The following RIMBP2 variants were observed in gnomAD, a reference collection of about 807,000 sequenced individuals.
The protein encoded by RIMBP2 is RIMS binding protein 2, also known as RIMS-binding protein 2.
In RIMBP2, 48 loss-of-function variants were observed where a neutral mutation model predicts 118.6. The ratio of observed to expected loss-of-function variants is 0.40; its 90% CI spans 0.32 to 0.51. The LOEUF is 0.51. Among genes scored for constraint, RIMBP2 ranks in the 20% least tolerant of loss-of-function variants. The pLI is 0.41. For missense variants in RIMBP2, 1,551 were observed against 1,768.3 expected, an observed-to-expected ratio of 0.88 and a Z score of 2.20; for synonymous variants, 762 against 742.9, an observed-to-expected ratio of 1.03 and a Z score of -0.42.
In RIMBP2 at chr12:130,710,964, C is replaced by G. The variant is rs779333709; in HGVS notation, c.-352+5258G>C. ...GAGCATTAAGAAGAGGCTATCTGACCAGGCACAGTGGCTCATGCCTGTAAT... is the reference window on the plus strand; with the variant it reads ...GAGCATTAAGAAGAGGCTATCTGACGAGGCACAGTGGCTCATGCCTGTAAT... On this transcript the variant is annotated intron_variant, in intron 1 of 22. Coordinates refer to ENST00000690449, the MANE Select transcript of RIMBP2 (RefSeq NM_001393629.1). The surrounding 1 kb of genome is among the most constrained non-coding windows in gnomAD (Gnocchi z 4.3). Among the ~76,000 whole-genome samples, 1 of 152,222 alleles carries G rather than the reference C, an allele frequency of 6.6e-6. No homozygotes were observed. Among genetic ancestry groups the G allele is most frequent in the African/African-American group, 2.4e-5 (1 of 41,458 alleles).
chr12:130,611,268 C>T (rs574629197), intron 2 of RIMBP2, among the ~76,000 whole-genome samples: 1 of 152,364 alleles, frequency 6.6e-6, no homozygotes, highest in East Asian at 1.9e-4. Flanking sequence ...CCACGTCCCC[C>T]AGACCCCACA....
At chr12:130,693,813 CACTT>C in intron 1 of RIMBP2, among the ~76,000 whole-genome samples, 1 of 152,320 alleles carries the variant, frequency 6.6e-6, no homozygotes, top group Non-Finnish European at 1.5e-5. Context: ...ATTCAGCTGT[CACTT>C]ACTTTCTCTT....
At position 130,571,416 on chromosome 12, in the gene RIMBP2, A is replaced by ACATTTTTTTT; in HGVS notation, c.-216-53500_-216-53499insAAAAAAAATG. 1.9e-5 allele frequency among the ~76,000 whole-genome samples: 2 copies of ACATTTTTTTT among 104,298 alleles called. 1 individual carries two copies. The allele number at this position is 104,298 out of a possible 152,430, so 68.4% of individuals were successfully genotyped here. A position where few individuals can be genotyped will look rare whatever the true frequency, so the allele number is the denominator to read the frequency against. On this transcript the variant is annotated intron_variant, in intron 2 of 22. Coordinates refer to ENST00000690449, the MANE Select transcript of RIMBP2 (RefSeq NM_001393629.1). ...GTGTGCTACTGCTACCCATAGTAAC[A>ACATTTTTTTT]TTTTTTTTTTTTTTTTTTTTGGAGA...
At chr12:130,564,338 T>TTC (rs1555292835) in intron 2 of RIMBP2, among the ~76,000 whole-genome samples, 3 of 152,088 alleles carry the variant, frequency 2.0e-5, no homozygotes, top group African/African-American at 7.2e-5. Flanking sequence ...TGTGTTTTTT[T>TTC]CCCAAAGCAT....
chr12:130,691,653 A>G (rs1038416099), intron 1 of RIMBP2, among the ~76,000 whole-genome samples: 1 of 152,206 alleles, frequency 6.6e-6, no homozygotes, highest in Non-Finnish European at 1.5e-5. Flanking sequence ...CCTGGACAAA[A>G]GAGCAAGATC....
intron 1 of RIMBP2, among the ~76,000 whole-genome samples, chr12:130,712,314 T>G (rs533534693): frequency 2.2e-4 from 34 of 152,368 alleles, no homozygotes; most frequent in Non-Finnish European, 4.9e-4. Flanking sequence ...ATACTTAGCT[T>G]AAAACACACA....
At chr12:130,400,956 C>T (rs763551611) in intron 21 of RIMBP2, among the ~76,000 whole-genome samples, 3 of 152,110 alleles carry the variant, frequency 2.0e-5, no homozygotes, top group Non-Finnish European at 2.9e-5. Context: ...AACGAATACT[C>T]GTGCACTTTT....
intron 12 of RIMBP2, 31 bp downstream of exon 12, chr12:130,438,334 A>ATGGCCCCCCCCCCC: frequency 7.4e-7 from 1 of 1,344,516 alleles, no homozygotes. Flanking sequence ...GGGCCTAACA[A>ATGGCCCCCCCCCCC]ACCCTCCCCA....
intron 2 of RIMBP2, among the ~76,000 whole-genome samples, chr12:130,626,364 A>G (rs4759502): frequency 0.8 from 105,064 of 131,688 alleles, 43,502 homozygotes; most frequent in Non-Finnish European, 0.92. Flanking sequence ...CACGACTACC[A>G]CTGGCATCAC....
At chr12:130,539,422 G>A (rs2054365913) in intron 2 of RIMBP2, among the ~76,000 whole-genome samples, 1 of 152,234 alleles carries the variant, frequency 6.6e-6, no homozygotes, top group Non-Finnish European at 1.5e-5. Flanking sequence ...AAGGAAGTAA[G>A]AGTGTGAGTG....
chr12:130,557,789 T>C (rs2056491797), intron 2 of RIMBP2, among the ~76,000 whole-genome samples: 2 of 152,228 alleles, frequency 1.3e-5, no homozygotes, highest in Admixed American at 1.3e-4. Context: ...TGTACTTATC[T>C]GTAGACAAGA....
At position 130,422,638 on chromosome 12, in the gene RIMBP2, G is replaced by T; in HGVS notation, c.3130-77C>A. 1 of 1,051,990 alleles carries T rather than the reference G, an allele frequency of 9.5e-7. No individual in the cohort carries two copies. The highest frequency in any genetic ancestry group is 1.4e-6 in the Non-Finnish European group (1 of 705,164). The allele number at this position is 1,051,990 out of a possible 1,614,324, so 65.2% of individuals were successfully genotyped here. A position where few individuals can be genotyped will look rare whatever the true frequency, so the allele number is the denominator to read the frequency against. On this transcript the variant is annotated intron_variant, in intron 16 of 22. Transcript: ENST00000690449. The surrounding 1 kb of genome is among the most constrained non-coding windows in gnomAD (Gnocchi z 5.2). The stretch of plus-strand genomic sequence containing the variant: ...AAGAATTCAGTTAGCCAAATCAAGC[G>T]GGTTGAAAAGCAGAATCTGTAAAGG...
Position 130,447,328 on chromosome 12 carries a change from C to T in RIMBP2, c.582-2059G>A, listed in dbSNP as rs542902526. Among the ~76,000 whole-genome samples, 10 of 151,664 alleles carry T rather than the reference C, an allele frequency of 6.6e-5. No homozygotes were observed. The highest frequency in any genetic ancestry group is 2.1e-4 in the South Asian group (1 of 4,756). On this transcript the variant is annotated intron_variant, in intron 9 of 22. Coordinates refer to ENST00000690449, the MANE Select transcript of RIMBP2 (RefSeq NM_001393629.1). This position sits in a 1 kb window ranked among gnomAD's most constrained non-coding sequence, Gnocchi z 4.4. ...CCTACGGCTGTCGTGACAACCTCGT[C>T]GGTGCTCCTGCGTGTGGGCCCTGGA...
intron 4 of RIMBP2, among the ~76,000 whole-genome samples, chr12:130,501,372 C>T (rs2049758612): frequency 6.6e-6 from 1 of 152,126 alleles, no homozygotes; most frequent in South Asian, 2.1e-4. Flanking sequence ...TGGCATCTGA[C>T]ATAAACTGAT....
intron 1 of RIMBP2, among the ~76,000 whole-genome samples, chr12:130,635,309 G>A (rs982220962): frequency 2.0e-5 from 3 of 152,156 alleles, no homozygotes; most frequent in South Asian, 2.1e-4. Context: ...CCTGCTTATC[G>A]TATTCTAAGC....
intron 9 of RIMBP2, among the ~76,000 whole-genome samples, chr12:130,448,411 C>T (rs1250667669): frequency 6.6e-6 from 1 of 152,226 alleles, no homozygotes; most frequent in African/African-American, 2.4e-5. Context: ...ATGTGGCAGC[C>T]TCGCTGGACC....
chr12:130,596,063 C>T (rs918923038), intron 2 of RIMBP2, among the ~76,000 whole-genome samples: 5 of 152,188 alleles, frequency 3.3e-5, no homozygotes, highest in Non-Finnish European at 7.3e-5. Context: ...GCAAAGCCAT[C>T]GTCCCTGATG....
In RIMBP2 at chr12:130,666,025, A is replaced by G. The variant is rs1237793985; in HGVS notation, c.-351-37569T>C. Among the ~76,000 whole-genome samples the G allele has an allele frequency of 2.0e-5, 3 of 152,324 alleles. No homozygotes were observed. In the East Asian group the frequency reaches 5.8e-4, roughly 29 times the overall value. On this transcript the variant is annotated intron_variant, in intron 1 of 22. Coordinates refer to ENST00000690449, the MANE Select transcript of RIMBP2 (RefSeq NM_001393629.1). ...TGACAGCAACTTGTAGATAAGAGAG[A>G]AAGACAAAGCTAACAGGACCCAAGG...
chr12:130,600,172 C>T (rs1322691881), intron 2 of RIMBP2, among the ~76,000 whole-genome samples: 2 of 152,230 alleles, frequency 1.3e-5, no homozygotes, highest in Non-Finnish European at 2.9e-5. Context: ...CCACCTTAGG[C>T]ACATGTTGTC....
Sources: allele counts gnomAD v4.1 joint callset (sites outside exome capture counted in the v4.1 genomes callset), GRCh38; gene constraint gnomAD v4.1.1; non-coding constraint Gnocchi (gnomAD v3.1); transcripts MANE v1.5; gene names NCBI Gene and HGNC (gene_info 2026-07-23, HGNC 2026-07-21).